The following RAB3B variants were observed in gnomAD, a reference collection of about 807,000 sequenced individuals.
RAB3B encodes ras-related protein Rab-3B.
RAB3B carries 11 observed loss-of-function variants against 20.5 expected under a neutral mutation model. That is an observed-to-expected ratio of 0.54 (90% CI 0.34 to 0.89). The LOEUF is 0.89. RAB3B is among the 40% of genes least tolerant of loss of function. The probability of loss-of-function intolerance (pLI) is 0.02; values close to 1 mark genes in which losing one functional copy is unlikely to be tolerated. For missense variants in RAB3B, 225 were observed against 280.9 expected, an observed-to-expected ratio of 0.80 and a Z score of 1.42; for synonymous variants, 99 against 106.3, an observed-to-expected ratio of 0.93 and a Z score of 0.42.
chr1:51,959,464 T>G (rs900364028), intron 2 of RAB3B, among the ~76,000 whole-genome samples: 3 of 152,050 alleles, frequency 2.0e-5, no homozygotes, highest in African/African-American at 7.2e-5. Flanking sequence ...GTGAGCCATG[T>G]TCACACCACT....
chr1:51,936,192 C>T (rs867596254), intron 3 of RAB3B, among the ~76,000 whole-genome samples: 1 of 152,198 alleles, frequency 6.6e-6, no homozygotes, highest in South Asian at 2.1e-4. Flanking sequence ...ACAGATGTCC[C>T]ACCTTCCCCC....
In RAB3B at chr1:51,915,972, A is replaced by C. The variant is rs954850723; in HGVS notation, c.*3955T>G. 6.6e-6 allele frequency: 1 copy of C among 152,288 alleles called. No homozygotes were observed. The allele number at this position is 152,288 out of a possible 1,614,324, so 9.4% of individuals were successfully genotyped here. A position where few individuals can be genotyped will look rare whatever the true frequency, so the allele number is the denominator to read the frequency against. On this transcript the variant is annotated 3_prime_UTR_variant, in exon 5 of 5. Coordinates refer to ENST00000371655, the MANE Select transcript of RAB3B (RefSeq NM_002867.4). The stretch of plus-strand genomic sequence containing the variant: ...CTCCCAAAGTGCTGGGATTACAGGC[A>C]TGAGCTGCTGCGCCCAGCCAGAAGT...
chr1:51,945,389 C>A (rs1015234632), intron 2 of RAB3B, among the ~76,000 whole-genome samples: 3 of 152,156 alleles, frequency 2.0e-5, no homozygotes, highest in African/African-American at 7.2e-5. Context: ...AATATTACTA[C>A]ACATTTAATA....
At chr1:51,971,114 C>A (rs1158399782) in intron 2 of RAB3B, among the ~76,000 whole-genome samples, 2 of 151,908 alleles carry the variant, frequency 1.3e-5, no homozygotes, top group Non-Finnish European at 2.9e-5. Flanking sequence ...TTGCATTCCC[C>A]AGACACAGTA....
intron 1 of RAB3B, among the ~76,000 whole-genome samples, chr1:51,985,670 A>T (rs1306015828): frequency 1.3e-5 from 2 of 152,058 alleles, no homozygotes; most frequent in Non-Finnish European, 2.9e-5. Context: ...TAAATAAGAG[A>T]ACGTATATAA....
intron 2 of RAB3B, among the ~76,000 whole-genome samples, chr1:51,940,189 T>A (rs757210074): frequency 2.0e-5 from 3 of 152,316 alleles, no homozygotes; most frequent in South Asian, 2.1e-4. Context: ...CTATACTTAG[T>A]GTGATAATAA....
At chr1:51,922,237 G>A (rs906413402) in intron 4 of RAB3B, among the ~76,000 whole-genome samples, 4 of 152,134 alleles carry the variant, frequency 2.6e-5, no homozygotes, top group South Asian at 4.1e-4. Flanking sequence ...GGGGAGGTGC[G>A]GGGAGTGTAT....
chr1:51,954,632 C>T (rs1230348365), intron 2 of RAB3B, among the ~76,000 whole-genome samples: 1 of 152,026 alleles, frequency 6.6e-6, no homozygotes, highest in African/African-American at 2.4e-5. Context: ...ACTTATTCTC[C>T]CTACTCGAGT....
At chr1:51,989,212 G>C (rs1394457983) in intron 1 of RAB3B, among the ~76,000 whole-genome samples, 3 of 110,434 alleles carry the variant, frequency 2.7e-5, no homozygotes, top group Non-Finnish European at 4.0e-5. Context: ...CTTGTTTTGT[G>C]TGTGTGTGTG....
intron 2 of RAB3B, among the ~76,000 whole-genome samples, chr1:51,956,013 C>A (rs544265969): frequency 6.6e-6 from 1 of 152,278 alleles, no homozygotes; most frequent in African/African-American, 2.4e-5. Flanking sequence ...GGACAAACAT[C>A]TGAGGAGCGA....
At chr1:51,968,378 A>G (rs1450736847) in intron 2 of RAB3B, among the ~76,000 whole-genome samples, 1 of 152,202 alleles carries the variant, frequency 6.6e-6, no homozygotes, top group Non-Finnish European at 1.5e-5. Flanking sequence ...GTACATTCTT[A>G]AATTCTAGGG....
chr1:51,921,944 T>C (rs950831068), intron 4 of RAB3B, among the ~76,000 whole-genome samples: 2 of 152,206 alleles, frequency 1.3e-5, no homozygotes, highest in Admixed American at 1.3e-4. Flanking sequence ...AGGCCTCTCT[T>C]TTCCCAGCCT....
chr1:51,912,555 ATATATAT>A lies in RAB3B; in HGVS notation c.*7365_*7371del, dbSNP rs1353812511. 7 of 20,048 alleles carry A rather than the reference ATATATAT, an allele frequency of 3.5e-4. No homozygotes were observed. The highest frequency in any genetic ancestry group is 1.0e-3 in the African/African-American group (6 of 5,880). The allele number at this position is 20,048 out of a possible 1,614,324, so 1.2% of individuals were successfully genotyped here. ...GACCGTCTCTATTAAAAAAAAAAAAATATATATATATATATATATATATATATATATA... is the reference window on the plus strand; with the variant it reads ...GACCGTCTCTATTAAAAAAAAAAAAAATATATATATATATATATATATATA... On this transcript the variant is annotated 3_prime_UTR_variant, in exon 5 of 5. Transcript: ENST00000371655.
At chr1:51,953,806 C>CA (rs1207607631) in intron 2 of RAB3B, among the ~76,000 whole-genome samples, 1 of 151,952 alleles carries the variant, frequency 6.6e-6, no homozygotes, top group Non-Finnish European at 1.5e-5. Flanking sequence ...ATCTTAAAAA[C>CA]AAAAAACTAA....
chr1:51,980,666 C>G, intron 1 of RAB3B: 4 of 757,006 alleles, frequency 5.3e-6, no homozygotes, highest in Non-Finnish European at 9.7e-6. Flanking sequence ...TATGTGCTTC[C>G]CAAGCAGTAT....
intron 1 of RAB3B, among the ~76,000 whole-genome samples, chr1:51,982,677 C>A (rs1043921290): frequency 2.0e-5 from 3 of 151,706 alleles, no homozygotes; most frequent in African/African-American, 7.3e-5. Flanking sequence ...TGCTTGAACT[C>A]GGGAGGTGGA....
intron 4 of RAB3B, among the ~76,000 whole-genome samples, chr1:51,931,631 T>C (rs1295711024): frequency 6.6e-6 from 1 of 152,168 alleles, no homozygotes; most frequent in Non-Finnish European, 1.5e-5. Context: ...TCATTTCCTG[T>C]CTGCAGGGAA....
intron 4 of RAB3B, among the ~76,000 whole-genome samples, chr1:51,924,530 G>T (rs1243794791): frequency 6.6e-6 from 1 of 152,164 alleles, no homozygotes; most frequent in Non-Finnish European, 1.5e-5. Context: ...ATCAGCCTTG[G>T]TCTATGCCAA....
At chr1:51,937,184 T>G (rs10888741) in intron 3 of RAB3B, 110 bp downstream of exon 3, 746,637 of 796,274 alleles carry the variant, frequency 0.94, 351,710 homozygotes, top group East Asian at 1. Flanking sequence ...CTGAGGCCAG[T>G]AACCATGTCT....
Sources: gnomAD v4.1 joint callset for allele counts (sites outside exome capture counted in the v4.1 genomes callset) on GRCh38, gnomAD v4.1.1 for gene constraint, MANE v1.5 for transcripts, NCBI Gene and HGNC (gene_info 2026-07-23, HGNC 2026-07-21) for gene names.